Variants in FAM135B observed in about 807,000 individuals in gnomAD.
The protein encoded by FAM135B is protein FAM135B.
Under a neutral mutation model 127.7 loss-of-function variants are expected in FAM135B, and 43 were observed. The observed-to-expected ratio is 0.34, with a 90% CI of 0.26 to 0.43. The LOEUF (loss-of-function observed/expected upper bound fraction) is 0.43. Among genes scored for constraint, FAM135B ranks in the 20% least tolerant of loss-of-function variants. The pLI is 1.00. For synonymous variants in FAM135B, 670 were observed against 665.1 expected (o/e 1.01, Z -0.11); for missense variants, 1,558 against 1,725.6 (o/e 0.90, Z 1.72).
intron 1 of FAM135B, among the ~76,000 whole-genome samples, chr8:138,403,404 A>T (rs1487542166): frequency 6.6e-6 from 1 of 152,112 alleles, no homozygotes; most frequent in Non-Finnish European, 1.5e-5. Flanking sequence ...AGTCAAGTCT[A>T]TTGGGAGGGT....
intron 3 of FAM135B, among the ~76,000 whole-genome samples, chr8:138,291,350 C>A (rs558021304): frequency 1.7e-4 from 26 of 152,172 alleles, no homozygotes; most frequent in African/African-American, 6.3e-4. Flanking sequence ...ATAAAATGAC[C>A]ATCACACAAG....
chr8:138,491,568 A>G (rs1306550953), intron 1 of FAM135B, among the ~76,000 whole-genome samples: 2 of 152,244 alleles, frequency 1.3e-5, no homozygotes, highest in African/African-American at 2.4e-5. Context: ...TGCTGGGACC[A>G]GCATCTACTC....
intron 2 of FAM135B, among the ~76,000 whole-genome samples, chr8:138,314,114 G>C (rs994116683): frequency 6.6e-6 from 1 of 152,164 alleles, no homozygotes; most frequent in Non-Finnish European, 1.5e-5. Context: ...AAGGATGTGT[G>C]TTAGATGAGC....
At chr8:138,154,288 T>A (rs1818479344) in intron 12 of FAM135B, among the ~76,000 whole-genome samples, 1 of 151,904 alleles carries the variant, frequency 6.6e-6, no homozygotes, top group Non-Finnish European at 1.5e-5. Context: ...CATCTGTACG[T>A]CACCATCATC....
chr8:138,215,509 T>C (rs1818474330), intron 7 of FAM135B, among the ~76,000 whole-genome samples: 1 of 152,156 alleles, frequency 6.6e-6, no homozygotes, highest in Admixed American at 6.5e-5. Context: ...GAATCTTGAA[T>C]CTAGCATCTA....
In FAM135B at chr8:138,196,504, A is replaced by G. The variant is rs537723762; in HGVS notation, c.823+1012T>C. On this transcript the variant is annotated intron_variant, in intron 8 of 19. Coordinates refer to ENST00000395297, the MANE Select transcript of FAM135B (RefSeq NM_015912.4). The stretch of plus-strand genomic sequence containing the variant: ...ATCTGAGGGGAATCAGCTCTTAAAG[A>G]CCTCAGTCTATTTGGGAAGCAAAAC... Among the ~76,000 whole-genome samples, 25 of 152,268 alleles carry G rather than the reference A, an allele frequency of 1.6e-4. 1 individual carries two copies. The East Asian group carries it at 4.4e-3, about 27-fold the overall frequency.
At chr8:138,260,408 AC>A (rs986638466) in intron 4 of FAM135B, among the ~76,000 whole-genome samples, 15 of 151,508 alleles carry the variant, frequency 9.9e-5, no homozygotes, top group African/African-American at 1.5e-4. Flanking sequence ...GCAGGAACAG[AC>A]CCCCCACAGC....
intron 12 of FAM135B, among the ~76,000 whole-genome samples, chr8:138,167,584 A>G (rs1820050397): frequency 6.6e-6 from 1 of 152,178 alleles, no homozygotes. Context: ...TCTGACTTTC[A>G]TGTCACTCTG....
At chr8:138,185,940 C>T (rs925891443) in intron 9 of FAM135B, among the ~76,000 whole-genome samples, 1 of 152,178 alleles carries the variant, frequency 6.6e-6, no homozygotes, top group Non-Finnish European at 1.5e-5. Flanking sequence ...CCTCTCCAGC[C>T]TGCCCTGCAT....
intron 1 of FAM135B, among the ~76,000 whole-genome samples, chr8:138,375,197 C>T (rs115688629): frequency 0.018 from 2,689 of 152,206 alleles, 82 homozygotes; most frequent in African/African-American, 0.061. Context: ...ATCTATGCCC[C>T]ATTTGTGTGG....
intron 3 of FAM135B, among the ~76,000 whole-genome samples, chr8:138,270,275 A>G (rs960039612): frequency 1.3e-5 from 2 of 152,196 alleles, no homozygotes; most frequent in African/African-American, 4.8e-5. Flanking sequence ...AATCAGGGAT[A>G]CTGTTGGACT....
intron 3 of FAM135B, among the ~76,000 whole-genome samples, chr8:138,296,708 G>A (rs115871765): frequency 0.013 from 2,037 of 152,148 alleles, 46 homozygotes; most frequent in African/African-American, 0.047. Flanking sequence ...TTGTACATAC[G>A]TATTTTGTGT....
At chr8:138,449,832 G>C (rs953120481) in intron 1 of FAM135B, among the ~76,000 whole-genome samples, 1 of 152,044 alleles carries the variant, frequency 6.6e-6, no homozygotes, top group African/African-American at 2.4e-5. Flanking sequence ...ATCCTCCAAA[G>C]TTCCGAGTTC....
intron 3 of FAM135B, among the ~76,000 whole-genome samples, chr8:138,302,129 G>C (rs1563875067): frequency 2.0e-5 from 1 of 50,762 alleles, no homozygotes; most frequent in Admixed American, 2.9e-4. Context: ...CCACATGAAG[G>C]AAGTGTTATT....
rs78521899 is a variant in FAM135B at position 138,315,416 on chromosome 8, A to C, written c.78-4496T>G. On this transcript the variant is annotated intron_variant, in intron 2 of 19. Transcript: ENST00000395297. The stretch of plus-strand genomic sequence containing the variant: ...CATTATGAAAAATAACATGGAGGTT[A>C]CTCAAAAAAGTAAAAATAAAATTGC... Among the ~76,000 whole-genome samples, 1,229 of 152,304 alleles carry C rather than the reference A, an allele frequency of 8.1e-3. 15 individuals are homozygous for C. The highest frequency in any genetic ancestry group is 0.028 in the African/African-American group (1,156 of 41,564).
intron 2 of FAM135B, among the ~76,000 whole-genome samples, chr8:138,335,941 G>A (rs1828546392): frequency 6.6e-6 from 1 of 152,102 alleles, no homozygotes; most frequent in African/African-American, 2.4e-5. Flanking sequence ...TAGAACTCAG[G>A]ATTAAGAAAC....
At position 138,132,469 on chromosome 8, in the gene FAM135B, C is replaced by A. The variant is rs553830799; in HGVS notation, c.*124G>T. ...AGCACCTCTCATGTCAGGTTCCACC[C>A]GAGCCTCCGTCCCCCAATGCTGTTG... On this transcript the variant is annotated 3_prime_UTR_variant, in exon 20 of 20. Transcript: ENST00000395297. This position sits in a 1 kb window ranked among gnomAD's most constrained non-coding sequence, Gnocchi z 4.5. The A allele has an allele frequency of 2.6e-6, 2 of 780,864 alleles. No individual in the cohort carries two copies. Among genetic ancestry groups the A allele is most frequent in the Admixed American group, 2.2e-5 (1 of 45,044 alleles). 48.4% of individuals were successfully genotyped at this position (780,864 alleles called of 1,614,324 possible).
rs1820836036 is a variant in FAM135B, at chr8:138,242,119, C to CT, written c.669+822dup. On this transcript the variant is annotated intron_variant, in intron 7 of 19. Transcript: ENST00000395297. This position sits in a 1 kb window ranked among gnomAD's most constrained non-coding sequence, Gnocchi z 9.6. Reference sequence around the variant, plus strand: ...TTGCTGACTGAAGATTTGGGGGCTTCTCAGCCTTCAAAATCATGTGAGTCA... The same window carrying CT: ...TTGCTGACTGAAGATTTGGGGGCTTCTTCAGCCTTCAAAATCATGTGAGTCA... Among the ~76,000 whole-genome samples the CT allele has an allele frequency of 1.3e-5, 2 of 151,084 alleles. No homozygotes were observed. Among genetic ancestry groups the CT allele is most frequent in the South Asian group, 4.2e-4 (2 of 4,760 alleles).
chr8:138,278,762 C>A (rs1480118323), intron 3 of FAM135B, among the ~76,000 whole-genome samples: 1 of 151,708 alleles, frequency 6.6e-6, no homozygotes, highest in Non-Finnish European at 1.5e-5. Context: ...GGGGGTTTCG[C>A]CACGTTGGCC....
Sources: allele counts gnomAD v4.1 joint callset (sites outside exome capture counted in the v4.1 genomes callset), GRCh38; gene constraint gnomAD v4.1.1; non-coding constraint Gnocchi (gnomAD v3.1); transcripts MANE v1.5; gene names NCBI Gene and HGNC (gene_info 2026-07-23, HGNC 2026-07-21).